Variants in BCKDHB observed in about 807,000 individuals in gnomAD.
BCKDHB encodes 2-oxoisovalerate dehydrogenase subunit beta, mitochondrial.
A neutral mutation model predicts 48.5 loss-of-function variants in BCKDHB; 41 were observed. The observed-to-expected ratio is 0.85, with a 90% CI of 0.66 to 1.10. The LOEUF (loss-of-function observed/expected upper bound fraction) is 1.10. Among genes scored for constraint, BCKDHB ranks in the 50% least tolerant of loss-of-function variants. BCKDHB has a pLI of 0.00. For missense variants in BCKDHB, 496 were observed against 494.2 expected, an observed-to-expected ratio of 1.00 and a Z score of -0.03; for synonymous variants, 201 against 174.8, an observed-to-expected ratio of 1.15 and a Z score of -1.18.
chr6:80,416,092 G>T, the BCKDHB span, among the ~76,000 whole-genome samples: 1 of 151,740 alleles, frequency 6.6e-6, no homozygotes. Context: ...GAGATGATTT[G>T]TATTTCTGTG....
chr6:80,428,859 G>A, the BCKDHB span, among the ~76,000 whole-genome samples: 2 of 152,170 alleles, frequency 1.3e-5, no homozygotes, highest in African/African-American at 2.4e-5. Context: ...TTGCTGTGCA[G>A]AAGCTCATTA....
In BCKDHB at chr6:80,273,240, C is replaced by T; in HGVS notation, c.1038+19C>T. 1 of 1,599,670 alleles carries T rather than the reference C, an allele frequency of 6.3e-7. No homozygotes were observed. Among genetic ancestry groups the T allele is most frequent in the Non-Finnish European group, 8.6e-7 (1 of 1,167,188 alleles). Reference sequence around the variant, plus strand: ...AGTTCAGGTAGAGTAATTTTTGGAACTGATTTCAATGCTTGTGCAATTCCA... The same window carrying T: ...AGTTCAGGTAGAGTAATTTTTGGAATTGATTTCAATGCTTGTGCAATTCCA... On this transcript the variant is annotated intron_variant, in intron 9 of 9. Coordinates refer to ENST00000320393, the MANE Select transcript of BCKDHB (RefSeq NM_183050.4).
chr6:80,319,685 GA>G (rs1421978792), intron 9 of BCKDHB, among the ~76,000 whole-genome samples: 3 of 152,248 alleles, frequency 2.0e-5, no homozygotes, highest in East Asian at 3.9e-4. Context: ...TTTCCAATAA[GA>G]TAATTTATAA....
the BCKDHB span, among the ~76,000 whole-genome samples, chr6:80,386,919 G>A: frequency 6.6e-6 from 1 of 152,120 alleles, no homozygotes; most frequent in Admixed American, 6.6e-5. Flanking sequence ...TGAATGGGAG[G>A]AGGGGTCCAC....
chr6:80,219,909 G>T (rs1427938953), intron 8 of BCKDHB, among the ~76,000 whole-genome samples: 1 of 151,932 alleles, frequency 6.6e-6, no homozygotes, highest in Non-Finnish European at 1.5e-5. Context: ...TTTTATACAT[G>T]ATCTCTCTGT....
At chr6:80,178,407 A>G (rs1773264060) in intron 6 of BCKDHB, among the ~76,000 whole-genome samples, 1 of 152,214 alleles carries the variant, frequency 6.6e-6, no homozygotes. Flanking sequence ...CTCTTTTAAG[A>G]TGAAAATATC....
chr6:80,130,869 A>G (rs1285904529), intron 3 of BCKDHB, among the ~76,000 whole-genome samples: 2 of 152,196 alleles, frequency 1.3e-5, no homozygotes, highest in Non-Finnish European at 2.9e-5. Context: ...CTCTGTATCC[A>G]GTATAACTAT....
At chr6:80,107,592 G>C (rs1294461888) in intron 1 of BCKDHB, among the ~76,000 whole-genome samples, 2 of 131,484 alleles carry the variant, frequency 1.5e-5, no homozygotes, top group African/African-American at 3.6e-5. Flanking sequence ...TATGTCCCTT[G>C]GTTTCTTCTT....
the BCKDHB span, among the ~76,000 whole-genome samples, chr6:80,449,057 T>C: frequency 1.3e-5 from 2 of 152,186 alleles, no homozygotes; most frequent in Non-Finnish European, 2.9e-5. Context: ...ATCCTCAAAT[T>C]TCCCCAGTTA....
chr6:80,447,226 A>G, the BCKDHB span, among the ~76,000 whole-genome samples: 13,018 of 152,180 alleles, frequency 0.086, 660 homozygotes, highest in Non-Finnish European at 0.11. Flanking sequence ...AATGAGGGCA[A>G]TAATTCCTGC....
chr6:80,456,228 A>G, the BCKDHB span, among the ~76,000 whole-genome samples: 1 of 144,686 alleles, frequency 6.9e-6, no homozygotes, highest in Non-Finnish European at 1.6e-5. Context: ...AAAAAGAAAG[A>G]AAGAAAAAAA....
At position 80,207,768 on chromosome 6, in the gene BCKDHB, T is replaced by G. The variant is rs1575541; in HGVS notation, c.951+4556T>G. Among the ~76,000 whole-genome samples, 260 of 151,582 alleles carry G rather than the reference T, an allele frequency of 1.7e-3. 1 individual carries two copies. Among genetic ancestry groups the G allele is most frequent in the African/African-American group, 6.0e-3 (250 of 41,452 alleles). ...CTAGAAGTGAAAAGGAGCATTTCAT[T>G]ATGCCAAAGGGACCAGTCCACCTTA... On this transcript the variant is annotated intron_variant, in intron 8 of 9. Coordinates refer to ENST00000320393, the MANE Select transcript of BCKDHB (RefSeq NM_183050.4).
intron 9 of BCKDHB, among the ~76,000 whole-genome samples, chr6:80,291,582 T>A (rs900499952): frequency 6.6e-6 from 1 of 152,170 alleles, no homozygotes; most frequent in African/African-American, 2.4e-5. Context: ...CAAGCTGATA[T>A]GGGGTTACTA....
At chr6:80,215,251 G>A (rs993434411) in intron 8 of BCKDHB, among the ~76,000 whole-genome samples, 1 of 152,206 alleles carries the variant, frequency 6.6e-6, no homozygotes, top group African/African-American at 2.4e-5. Flanking sequence ...TTGTTTCTCT[G>A]TTCCAAAACA....
chr6:80,260,741 T>G (rs1777264685), intron 8 of BCKDHB, among the ~76,000 whole-genome samples: 1 of 152,170 alleles, frequency 6.6e-6, no homozygotes, highest in African/African-American at 2.4e-5. Flanking sequence ...AAATGTAACT[T>G]TACAACAAAA....
intron 3 of BCKDHB, among the ~76,000 whole-genome samples, chr6:80,139,849 T>A (rs1161187046): frequency 1.3e-5 from 2 of 152,206 alleles, no homozygotes; most frequent in Non-Finnish European, 2.9e-5. Context: ...AGAAAGTCAT[T>A]GGTAGCTTGA....
the BCKDHB span, among the ~76,000 whole-genome samples, chr6:80,410,921 A>G: frequency 6.6e-6 from 1 of 152,072 alleles, no homozygotes; most frequent in Non-Finnish European, 1.5e-5. Flanking sequence ...GTTTGTTATT[A>G]CTGACCTTCT....
At chr6:80,202,961 T>G (rs1774465375) in intron 7 of BCKDHB, 141 bp from the exon 8 acceptor site, 4 of 695,776 alleles carry the variant, frequency 5.7e-6, no homozygotes, top group Non-Finnish European at 1.0e-5. Context: ...TCAACATATT[T>G]AAAACAAATT....
rs571745408 is a variant in BCKDHB, at chr6:80,220,229, A to T, written c.951+17017A>T. Among the ~76,000 whole-genome samples, 5 of 140,290 alleles carry T rather than the reference A, an allele frequency of 3.6e-5. No individual in the cohort carries two copies. The East Asian group carries it at 1.1e-3, about 30-fold the overall frequency. The allele number at this position is 140,290 out of a possible 152,430, so 92.0% of individuals were successfully genotyped here. On this transcript the variant is annotated intron_variant, in intron 8 of 9. Coordinates refer to ENST00000320393, the MANE Select transcript of BCKDHB (RefSeq NM_183050.4). Reference sequence around the variant, plus strand: ...CATATTTCCTTTATTGTATCATTTAATTTTTTTTGAATATTTCAATCTCAT... The same window carrying T: ...CATATTTCCTTTATTGTATCATTTATTTTTTTTTGAATATTTCAATCTCAT...
Sources: allele counts gnomAD v4.1 joint callset (sites outside exome capture counted in the v4.1 genomes callset), GRCh38; gene constraint gnomAD v4.1.1; transcripts MANE v1.5; gene names NCBI Gene and HGNC (gene_info 2026-07-23, HGNC 2026-07-21).